Variants in ROBO2 observed in about 807,000 individuals in gnomAD.
ROBO2 encodes the protein roundabout guidance receptor 2, also known as roundabout homolog 2.
Under a neutral mutation model 160.8 loss-of-function variants are expected in ROBO2, and 53 were observed. The ratio of observed to expected loss-of-function variants is 0.33; its 90% CI spans 0.26 to 0.41. The LOEUF is 0.41. ROBO2 is among the 10% of genes least tolerant of loss of function. The pLI is 1.00. For missense variants in ROBO2, 1,577 were observed against 1,722.4 expected (o/e 0.92, Z 1.49); for synonymous variants, 664 against 611.7 (o/e 1.09, Z -1.26).
intron 2 of ROBO2, among the ~76,000 whole-genome samples, chr3:76,757,118 G>A (rs1201989678): frequency 6.6e-6 from 1 of 151,746 alleles, no homozygotes. Flanking sequence ...GCATACACCA[G>A]CTCAGTAAGC....
chr3:76,707,731 G>GTATA (rs56401900), intron 2 of ROBO2, among the ~76,000 whole-genome samples: 2,831 of 134,066 alleles, frequency 0.021, 35 homozygotes, highest in South Asian at 0.047. Context: ...ACATGTGTGT[G>GTATA]TATATATATA....
intron 2 of ROBO2, among the ~76,000 whole-genome samples, chr3:76,376,011 T>G (rs2076328484): frequency 6.6e-6 from 1 of 152,092 alleles, no homozygotes; most frequent in Admixed American, 6.6e-5. Context: ...TTTCGTAATA[T>G]CTGTATTTTT....
At position 76,390,914 on chromosome 3, in the gene ROBO2, C is replaced by T. The variant is rs563599912; in HGVS notation, c.109+453312C>T. 3.9e-5 allele frequency among the ~76,000 whole-genome samples: 6 copies of T among 152,106 alleles called. No individual in the cohort carries two copies. The East Asian group carries it at 5.8e-4, about 15-fold the overall frequency. Reference sequence around the variant, plus strand: ...CCTAGAGTCTGCCATATAACAGAGACAGTGAAGTGTACCCAATAAATAAAA... The same window carrying T: ...CCTAGAGTCTGCCATATAACAGAGATAGTGAAGTGTACCCAATAAATAAAA... On this transcript the variant is annotated intron_variant, in intron 2 of 26. Transcript: ENST00000487694.
intron 2 of ROBO2, among the ~76,000 whole-genome samples, chr3:76,761,901 C>T (rs1056166252): frequency 6.6e-6 from 1 of 151,510 alleles, no homozygotes; most frequent in Non-Finnish European, 1.5e-5. Flanking sequence ...ATTTCTGGTA[C>T]CCAGTTCAGT....
At position 77,184,897 on chromosome 3, in the gene ROBO2, G is replaced by A. The variant is rs560237406; in HGVS notation, c.388+86557G>A. The stretch of plus-strand genomic sequence containing the variant: ...ACAAGTAAGACTGAGATGATATAAT[G>A]CTTATTTTTGCATCCTCAGATTCTA... On this transcript the variant is annotated intron_variant, in intron 2 of 25. Transcript: ENST00000461745. Among the ~76,000 whole-genome samples the A allele has an allele frequency of 6.6e-5, 10 of 152,126 alleles. No individual in the cohort carries two copies. In the South Asian group the frequency reaches 1.9e-3, roughly 28 times the overall value.
chr3:76,346,230 T>C (rs900335671), intron 2 of ROBO2, among the ~76,000 whole-genome samples: 1 of 152,144 alleles, frequency 6.6e-6, no homozygotes, highest in African/African-American at 2.4e-5. Flanking sequence ...CTAACAGTTT[T>C]TTATAGTCCA....
chr3:77,397,882 A>G (rs542615009), intron 2 of ROBO2, among the ~76,000 whole-genome samples: 72 of 152,264 alleles, frequency 4.7e-4, no homozygotes, highest in Middle Eastern at 6.8e-3. Context: ...ACTAAATATT[A>G]GTAATTGATG....
chr3:77,488,176 C>G lies in ROBO2; in HGVS notation c.668-5068C>G, dbSNP rs1033206243. Among the ~76,000 whole-genome samples the G allele has an allele frequency of 9.2e-5, 14 of 152,134 alleles. 1 individual carries two copies. Among genetic ancestry groups the G allele is most frequent in the Non-Finnish European group, 1.8e-4 (12 of 68,030 alleles). On this transcript the variant is annotated intron_variant, in intron 4 of 25. Transcript: ENST00000461745. ...ATTGACAGGGCTGACTACTTGAGAG[C>G]CATACTTTACAGAAACACACTGGCA...
intron 2 of ROBO2, among the ~76,000 whole-genome samples, chr3:76,464,277 C>T (rs1289742177): frequency 1.3e-5 from 2 of 152,142 alleles, no homozygotes; most frequent in Non-Finnish European, 2.9e-5. Flanking sequence ...TATGTAGAGA[C>T]TGAGAAGCAC....
intron 2 of ROBO2, among the ~76,000 whole-genome samples, chr3:77,152,006 C>T (rs2077585359): frequency 6.6e-6 from 1 of 152,118 alleles, no homozygotes; most frequent in Admixed American, 6.6e-5. Context: ...AGTTTTACTA[C>T]ATTACTTGAA....
chr3:76,664,037 G>A (rs927433213), intron 2 of ROBO2, among the ~76,000 whole-genome samples: 3 of 152,156 alleles, frequency 2.0e-5, no homozygotes, highest in Admixed American at 6.6e-5. Context: ...GATAGAGAAA[G>A]CATTTTAGTT....
At chr3:77,129,012 CGTGA>C (rs1367505956) in intron 2 of ROBO2, among the ~76,000 whole-genome samples, 3 of 152,008 alleles carry the variant, frequency 2.0e-5, no homozygotes, top group Non-Finnish European at 2.9e-5. Flanking sequence ...AAAGCTGTTG[CGTGA>C]GTATTGGCTT....
intron 22 of ROBO2, among the ~76,000 whole-genome samples, chr3:77,621,390 C>A (rs2094896769): frequency 6.6e-6 from 1 of 152,062 alleles, no homozygotes; most frequent in Non-Finnish European, 1.5e-5. Flanking sequence ...CGCATCACTG[C>A]ACTCCATCCT....
intron 2 of ROBO2, among the ~76,000 whole-genome samples, chr3:76,694,286 A>G (rs1431194985): frequency 1.3e-5 from 2 of 152,202 alleles, no homozygotes; most frequent in Non-Finnish European, 2.9e-5. Context: ...CCTTTCCACA[A>G]GAACGCCTCT....
intron 2 of ROBO2, among the ~76,000 whole-genome samples, chr3:76,267,020 T>C (rs1020907643): frequency 1.3e-5 from 2 of 152,184 alleles, no homozygotes; most frequent in Admixed American, 1.3e-4. Context: ...AACACTTGAA[T>C]ACAATTTTCT....
At chr3:77,620,663 T>C (rs187268140) in intron 22 of ROBO2, among the ~76,000 whole-genome samples, 130 of 152,334 alleles carry the variant, frequency 8.5e-4, no homozygotes, top group Middle Eastern at 6.8e-3. Flanking sequence ...GCTTCCAGAA[T>C]TAGAAATTTT....
intron 2 of ROBO2, among the ~76,000 whole-genome samples, chr3:76,865,144 A>T (rs2071233244): frequency 6.6e-6 from 1 of 151,992 alleles, no homozygotes; most frequent in Admixed American, 6.6e-5. Context: ...AAAAAAAAAA[A>T]TCCAAAAATA....
At chr3:76,921,366 C>A (rs1395595422) in intron 2 of ROBO2, among the ~76,000 whole-genome samples, 1 of 152,078 alleles carries the variant, frequency 6.6e-6, no homozygotes, top group Non-Finnish European at 1.5e-5. Context: ...AATCCCAGCA[C>A]TTTGGGAGGA....
chr3:76,455,616 A>G (rs1421406612), intron 2 of ROBO2, among the ~76,000 whole-genome samples: 2 of 152,172 alleles, frequency 1.3e-5, no homozygotes, highest in African/African-American at 2.4e-5. Context: ...TTTCCTCTAC[A>G]GTAATCCTAG....
Sources: gnomAD v4.1 joint callset for allele counts (sites outside exome capture counted in the v4.1 genomes callset) on GRCh38, gnomAD v4.1.1 for gene constraint, MANE v1.5 for transcripts, NCBI Gene and HGNC (gene_info 2026-07-23, HGNC 2026-07-21) for gene names.